The following SWT1 variants were observed in gnomAD, a reference collection of about 807,000 sequenced individuals.
SWT1 encodes the protein transcriptional protein SWT1.
A neutral mutation model predicts 107.3 loss-of-function variants in SWT1; 33 were observed. That is an observed-to-expected ratio of 0.31 (90% CI 0.23 to 0.41). SWT1 has a LOEUF of 0.41. Among genes scored for constraint, SWT1 ranks in the 10% least tolerant of loss-of-function variants. SWT1 has a pLI of 1.00. For missense variants in SWT1, 898 were observed against 1,028.9 expected, an observed-to-expected ratio of 0.87 and a Z score of 1.74; for synonymous variants, 345 against 348.3, an observed-to-expected ratio of 0.99 and a Z score of 0.11.
intron 18 of SWT1, among the ~76,000 whole-genome samples, chr1:185,279,299 G>C (rs1025008679): frequency 3.9e-5 from 6 of 152,164 alleles, no homozygotes; most frequent in African/African-American, 1.4e-4. Context: ...GATCCTAGTA[G>C]ACGTCTAGAA....
intron 14 of SWT1, among the ~76,000 whole-genome samples, chr1:185,221,127 T>A (rs962744383): frequency 6.6e-6 from 1 of 152,206 alleles, no homozygotes; most frequent in African/African-American, 2.4e-5. Flanking sequence ...TTTATTTGTA[T>A]CATTCTTCTA....
intron 10 of SWT1, among the ~76,000 whole-genome samples, chr1:185,198,156 T>G (rs1169581527): frequency 6.6e-6 from 1 of 152,210 alleles, no homozygotes; most frequent in Non-Finnish European, 1.5e-5. Flanking sequence ...CTGACTGGTT[T>G]CAAAGAGCTT....
At chr1:185,171,989 T>C (rs1348982075) in intron 4 of SWT1, among the ~76,000 whole-genome samples, 1 of 152,234 alleles carries the variant, frequency 6.6e-6, no homozygotes, top group East Asian at 1.9e-4. Flanking sequence ...ACTCTGTTTA[T>C]GGTTTGCTCT....
intron 15 of SWT1, among the ~76,000 whole-genome samples, chr1:185,223,822 C>G (rs2102537288): frequency 6.6e-6 from 1 of 152,280 alleles, no homozygotes; most frequent in Non-Finnish European, 1.5e-5. Context: ...CCAATAGGCC[C>G]CAGTGTTCAT....
intron 8 of SWT1, among the ~76,000 whole-genome samples, 169 bp from the exon 9 acceptor site, chr1:185,184,574 C>T (rs990067486): frequency 4.6e-5 from 7 of 151,984 alleles, no homozygotes; most frequent in Non-Finnish European, 8.8e-5. Flanking sequence ...TCTTTTGACA[C>T]GTTATTTTCT....
intron 10 of SWT1, 25 bp downstream of exon 10, chr1:185,190,667 T>C: frequency 7.2e-7 from 1 of 1,389,372 alleles, no homozygotes; most frequent in Non-Finnish European, 1.0e-6. Flanking sequence ...CATTTGACTT[T>C]TTATTTTTAA....
At chr1:185,268,010 C>G (rs935020983) in intron 16 of SWT1, among the ~76,000 whole-genome samples, 9 of 152,068 alleles carry the variant, frequency 5.9e-5, no homozygotes, top group African/African-American at 2.2e-4. Context: ...TTGTGCCAGG[C>G]CACATTCCAT....
chr1:185,223,085 C>G (rs1315761247), intron 15 of SWT1, among the ~76,000 whole-genome samples: 1 of 152,234 alleles, frequency 6.6e-6, no homozygotes, highest in Non-Finnish European at 1.5e-5. Flanking sequence ...ATTGCTGGAT[C>G]ATACGGTAGT....
At position 185,185,034 on chromosome 1, in the gene SWT1, T is replaced by C. The variant is rs1656334509; in HGVS notation, c.1429+103T>C. On this transcript the variant is annotated intron_variant, in intron 9 of 18. Transcript: ENST00000367500. ...AAAACTTTTAAAACATTTAAACCCA[T>C]TGGAATGTGAAATGGAAGGGGCATT... The C allele has an allele frequency of 8.5e-6, 7 of 818,792 alleles. No homozygotes were observed. In the South Asian group the frequency reaches 1.1e-4, roughly 12 times the overall value. 50.7% of individuals were successfully genotyped at this position (818,792 alleles called of 1,614,324 possible).
chr1:185,183,938 C>G (rs1309734141), intron 7 of SWT1, among the ~76,000 whole-genome samples: 1 of 152,166 alleles, frequency 6.6e-6, no homozygotes, highest in South Asian at 2.1e-4. Flanking sequence ...CTTTGCCAAC[C>G]CTTACCTTCT....
chr1:185,238,057 G>T (rs1166345083), intron 16 of SWT1, among the ~76,000 whole-genome samples: 3 of 151,716 alleles, frequency 2.0e-5, no homozygotes, highest in Non-Finnish European at 4.4e-5. Context: ...AGCAATCACG[G>T]CTCACTGTAG....
Position 185,244,301 on chromosome 1 carries a change from A to C in SWT1, c.2441+12593A>C, listed in dbSNP as rs143780212. On this transcript the variant is annotated intron_variant, in intron 16 of 18. Coordinates refer to ENST00000367500, the MANE Select transcript of SWT1 (RefSeq NM_017673.7). ...TGTGAGCATTATAGAGTGTATTTAC[A>C]CAAATCTAGATGGAATAGCCCACTA... Among the ~76,000 whole-genome samples the C allele has an allele frequency of 8.6e-3, 1,305 of 152,230 alleles. 14 individuals are homozygous for C. The highest frequency in any genetic ancestry group is 0.012 in the Non-Finnish European group (839 of 68,014).
chr1:185,187,452 A>G (rs1656588757), intron 9 of SWT1, among the ~76,000 whole-genome samples: 1 of 151,952 alleles, frequency 6.6e-6, no homozygotes, highest in Non-Finnish European at 1.5e-5. Context: ...GTATTTTTAT[A>G]TTTTTCATTG....
chr1:185,211,195 T>G (rs1366258062), intron 13 of SWT1, among the ~76,000 whole-genome samples: 1 of 152,176 alleles, frequency 6.6e-6, no homozygotes, highest in African/African-American at 2.4e-5. Context: ...AAAAATACTT[T>G]AAATTTCGTA....
chr1:185,190,199 A>G (rs1285503371), intron 9 of SWT1, among the ~76,000 whole-genome samples: 3 of 152,164 alleles, frequency 2.0e-5, no homozygotes, highest in African/African-American at 4.8e-5. Context: ...TTCACGGGAA[A>G]ATTGCACAAA....
Position 185,174,627 on chromosome 1 carries a change from G to C in SWT1, c.480G>C (p.Val160=), listed in dbSNP as rs74134429. ...GTAGTCCTAAGATTGCCAGTGATGT[G>C]AAACCTAAAGCCGAAGGCCAGGCAA... ...SLSSPKIASD[V]KPKAEGQASE... Residue 160 remains valine (V), a synonymous_variant, in exon 5 of 19, where the codon GTG becomes GTC. Coordinates refer to ENST00000367500, the MANE Select transcript of SWT1 (RefSeq NM_017673.7). The C allele has an allele frequency of 6.2e-7, 1 of 1,612,486 alleles. No homozygotes were observed. The highest frequency in any genetic ancestry group is 1.1e-5 in the South Asian group (1 of 90,506).
Position 185,174,703 on chromosome 1 carries a change from C to T in SWT1, c.556C>T (p.Leu186Phe). The change falls in exon 5 of 19, where the codon CTC (leucine) becomes TTC (phenylalanine). Residue 186 changes from leucine to phenylalanine, a missense_variant. Leu to Phe is a conservative substitution (Grantham distance 22). Around this residue, in one of 6 missense-constraint regions of SWT1, gnomAD observed 382 missense variants for 362.4 expected, o/e 1.05. Transcript: ENST00000367500. Reference protein sequence around the residue: ...LLVQREKMKELKKGRNSKFRD... With the variant: ...LLVQREKMKEFKKGRNSKFRD... ...TGTTCAGAGAGAGAAGATGAAAGAA[C>T]TCAAGAAAGGAAGAAACAGTAAATT... is the stretch of plus-strand genomic sequence containing the variant. 1 of 1,613,404 alleles carries T rather than the reference C, an allele frequency of 6.2e-7. No individual in the cohort carries two copies. The highest frequency in any genetic ancestry group is 8.5e-7 in the Non-Finnish European group (1 of 1,179,870).
chr1:185,275,541 T>C (rs572547607), intron 17 of SWT1, among the ~76,000 whole-genome samples: 166 of 150,740 alleles, frequency 1.1e-3, no homozygotes, highest in African/African-American at 4.0e-3. Flanking sequence ...TGTGTGTACA[T>C]ATATATATAA....
chr1:185,264,919 C>A (rs1663266575), intron 16 of SWT1, among the ~76,000 whole-genome samples: 1 of 152,072 alleles, frequency 6.6e-6, no homozygotes, highest in African/African-American at 2.4e-5. Flanking sequence ...GTCTAACAAA[C>A]ATGTAAGACA....
Sources: allele counts gnomAD v4.1 joint callset (sites outside exome capture counted in the v4.1 genomes callset), GRCh38; gene constraint gnomAD v4.1.1; regional missense constraint gnomAD v4.1.1; transcripts MANE v1.5; gene names NCBI Gene and HGNC (gene_info 2026-07-23, HGNC 2026-07-21).